The following MGAT1 variants were observed in gnomAD, a reference collection of about 807,000 sequenced individuals.
The protein encoded by MGAT1 is alpha-1,3-mannosyl-glycoprotein 2-beta-N-acetylglucosaminyltransferase, also known as N-glycosyl-oligosaccharide-glycoprotein N-acetylglucosaminyltransferase I.
In MGAT1, 14 loss-of-function variants were observed where a neutral mutation model predicts 31.7. The observed-to-expected ratio is 0.44, with a 90% CI of 0.29 to 0.69. The LOEUF (loss-of-function observed/expected upper bound fraction) is 0.69, where lower values mean the gene tolerates loss of function less well. Among genes scored for constraint, MGAT1 ranks in the 30% least tolerant of loss-of-function variants. MGAT1 has a pLI of 0.12. For synonymous variants in MGAT1, 338 were observed against 276.0 expected, an observed-to-expected ratio of 1.22 and a Z score of -2.23; for missense variants, 557 against 626.0, an observed-to-expected ratio of 0.89 and a Z score of 1.18.
At chr5:180,801,953 G>T (rs1190090856) in intron 1 of MGAT1, among the ~76,000 whole-genome samples, 1 of 152,240 alleles carries the variant, frequency 6.6e-6, no homozygotes, top group Non-Finnish European at 1.5e-5. Flanking sequence ...ATGGAAGGCA[G>T]ATCCTGGATG....
At chr5:180,793,743 T>C (rs1768741301) in intron 1 of MGAT1, among the ~76,000 whole-genome samples, 1 of 152,088 alleles carries the variant, frequency 6.6e-6, no homozygotes, top group Non-Finnish European at 1.5e-5. Flanking sequence ...AATCAACATA[T>C]ACTAATGGAT....
upstream of MGAT1, among the ~76,000 whole-genome samples, chr5:180,806,219 G>A (rs1330964993): frequency 6.6e-6 from 1 of 152,120 alleles, no homozygotes; most frequent in African/African-American, 2.4e-5. Context: ...CCAGGAGGTG[G>A]AGGTTTCAGT....
At position 180,807,819 on chromosome 5, in the gene MGAT1, G is replaced by A. The variant is rs375832238; in HGVS notation, c.-127+829C>T. Among the ~76,000 whole-genome samples the A allele has an allele frequency of 5.3e-5, 8 of 152,196 alleles. No homozygotes were observed. The South Asian group carries it at 6.2e-4, about 12-fold the overall frequency. ...ATTCAGGGGCAGGCTTTTCACTAAG[G>A]ACATCTTCTTAGGCTGTTGCCAGCA... On this transcript the variant is annotated intron_variant, in intron 2 of 2. Coordinates refer to the MGAT1 transcript ENST00000333055.
chr5:180,793,446 T>C (rs940454155), intron 1 of MGAT1, among the ~76,000 whole-genome samples: 2 of 152,124 alleles, frequency 1.3e-5, no homozygotes, highest in Non-Finnish European at 2.9e-5. Flanking sequence ...AGATGACTGA[T>C]TTTTAAAATC....
chr5:180,785,746 T>C lies in MGAT1; in HGVS notation c.*5888A>G, dbSNP rs191514314. ...ATCGCCGCTCACCTACTCCTGATCC[T>C]GAAAGGTTTTGCCCTTTTCCTAAAT... On this transcript the variant is annotated 3_prime_UTR_variant, in exon 2 of 2. Coordinates refer to ENST00000307826, the MANE Select transcript of MGAT1 (RefSeq NM_002406.4). 5.7e-4 allele frequency: 87 copies of C among 152,414 alleles called. No homozygotes were observed. The highest frequency in any genetic ancestry group is 2.0e-3 in the African/African-American group (84 of 41,600). The allele number at this position is 152,414 out of a possible 1,614,324, so 9.4% of individuals were successfully genotyped here. A position where few individuals can be genotyped will look rare whatever the true frequency, so the allele number is the denominator to read the frequency against.
chr5:180,804,427 T>C (rs12054946), upstream of MGAT1, among the ~76,000 whole-genome samples: 20,165 of 151,622 alleles, frequency 0.13, 1,424 homozygotes, highest in East Asian at 0.25. Flanking sequence ...GACCTGGAGG[T>C]GGAGTGGGAG....
chr5:180,809,217 T>A (rs1445355158), intron 1 of MGAT1: 1 of 152,152 alleles, frequency 6.6e-6, no homozygotes, highest in Non-Finnish European at 1.5e-5. Context: ...CTCCGCAAGG[T>A]TATACAAAGC....
chr5:180,798,486 C>T (rs2113382331), intron 1 of MGAT1, among the ~76,000 whole-genome samples: 1 of 152,268 alleles, frequency 6.6e-6, no homozygotes, highest in South Asian at 2.1e-4. Context: ...CTCTCAGGCC[C>T]CCTCAGCTGC....
chr5:180,794,289 G>A (rs1454416483), intron 1 of MGAT1, among the ~76,000 whole-genome samples: 3 of 151,584 alleles, frequency 2.0e-5, no homozygotes, highest in Admixed American at 2.0e-4. Flanking sequence ...CTACTCAGGA[G>A]GCTGAGATGG....
At chr5:180,799,322 C>T (rs866945042) in intron 1 of MGAT1, among the ~76,000 whole-genome samples, 1 of 152,178 alleles carries the variant, frequency 6.6e-6, no homozygotes. Flanking sequence ...TATACCTGGA[C>T]GCTGCTGTGT....
chr5:180,797,843 T>TTATTCACA lies in MGAT1; in HGVS notation c.-126-4747_-126-4746insTGTGAATA, dbSNP rs1769826621. ...ACACCCCTAGTTCCAGCCCACCTCC[T>TTATTCACA]TAGGCTCAGCCTGGGCCCCAGTGCT... On this transcript the variant is annotated intron_variant, in intron 1 of 1. Transcript: ENST00000307826. Among the ~76,000 whole-genome samples, 2 of 130,660 alleles carry TTATTCACA rather than the reference T, an allele frequency of 1.5e-5. 1 individual carries two copies. Among genetic ancestry groups the TTATTCACA allele is most frequent in the Non-Finnish European group, 3.4e-5 (2 of 59,640 alleles). 85.7% of individuals were successfully genotyped at this position (130,660 alleles called of 152,430 possible).
intron 1 of MGAT1, among the ~76,000 whole-genome samples, chr5:180,800,017 C>G (rs1770385516): frequency 6.6e-6 from 1 of 152,186 alleles, no homozygotes; most frequent in Non-Finnish European, 1.5e-5. Context: ...TTATCCCAGC[C>G]CCAGCTGACT....
Position 180,792,273 on chromosome 5 carries a change from G to A in MGAT1, c.699C>T (p.Pro233=). 3.1e-6 allele frequency: 5 copies of A among 1,612,504 alleles called. No individual in the cohort carries two copies. The highest frequency in any genetic ancestry group is 4.2e-6 in the Non-Finnish European group (5 of 1,179,448). The change falls in exon 2 of 2, where the codon CCC becomes CCT. Residue 233 remains proline (P), a synonymous_variant. Transcript: ENST00000307826. ...TCCAGGCCGAGACGCACCACAGGGA[G>A]GGGTCGGCCTTCAGCAGCGGATAGG... ...RATYPLLKAD[P]SLWCVSAWND...
chr5:180,793,824 G>T (rs892838311), intron 1 of MGAT1, among the ~76,000 whole-genome samples: 14 of 152,096 alleles, frequency 9.2e-5, no homozygotes, highest in African/African-American at 3.4e-4. Flanking sequence ...AAAAGCCAGA[G>T]AAATGAGAAA....
chr5:180,808,068 T>C (rs568306556), intron 2 of MGAT1, among the ~76,000 whole-genome samples: 12 of 152,350 alleles, frequency 7.9e-5, no homozygotes, highest in African/African-American at 2.9e-4. Flanking sequence ...GGTTGTACAC[T>C]GACTCAAAAA....
intron 1 of MGAT1, among the ~76,000 whole-genome samples, chr5:180,814,928 G>C (rs1243166441): frequency 6.7e-6 from 1 of 148,698 alleles, no homozygotes; most frequent in Non-Finnish European, 1.5e-5. Flanking sequence ...GCGACAGAGT[G>C]AGACTCTGTC....
chr5:180,809,027 A>T lies in MGAT1; in HGVS notation c.-506T>A, dbSNP rs1772233740. ...GTCTTGTGCTGGGGCTCATGAGAAG[A>T]AACAGGCCTTAGAAGCGGCATGGCC... On this transcript the variant is annotated 5_prime_UTR_variant, in exon 2 of 3. Coordinates refer to the MGAT1 transcript ENST00000333055. The T allele has an allele frequency of 1.3e-5, 2 of 152,244 alleles. 1 individual carries two copies. The highest frequency in any genetic ancestry group is 4.1e-4 in the South Asian group (2 of 4,832). The allele number at this position is 152,244 out of a possible 1,614,324, so 9.4% of individuals were successfully genotyped here.
chr5:180,795,519 G>C (rs980206921), intron 1 of MGAT1: 2 of 152,194 alleles, frequency 1.3e-5, no homozygotes, highest in Non-Finnish European at 2.9e-5. Context: ...GAAGTATTGA[G>C]AAGTAGAGGA....
At chr5:180,797,406 C>CA (rs929442972) in intron 1 of MGAT1, among the ~76,000 whole-genome samples, 4,687 of 51,742 alleles carry the variant, frequency 0.091, 101 homozygotes, top group Non-Finnish European at 0.1. Context: ...CATCCCCCAC[C>CA]AAAAAAAAAA....
Sources: gnomAD v4.1 joint callset for allele counts (sites outside exome capture counted in the v4.1 genomes callset) on GRCh38, gnomAD v4.1.1 for gene constraint, MANE v1.5 for transcripts, NCBI Gene and HGNC (gene_info 2026-07-23, HGNC 2026-07-21) for gene names.